Variants in KMT2E observed in about 807,000 individuals in gnomAD.
KMT2E encodes the protein lysine methyltransferase 2E (inactive), also known as histone reader KMT2E.
Under a neutral mutation model 184.6 loss-of-function variants are expected in KMT2E, and 30 were observed. That is an observed-to-expected ratio of 0.16 (90% CI 0.12 to 0.22). KMT2E has a LOEUF of 0.22. Ranked by LOEUF, KMT2E falls within the 10% of genes least tolerant of loss-of-function variation. The pLI is 1.00. For synonymous variants in KMT2E, 815 were observed against 776.5 expected, an observed-to-expected ratio of 1.05 and a Z score of -0.82; for missense variants, 2,023 against 2,237.4, an observed-to-expected ratio of 0.90 and a Z score of 1.93.
At chr7:105,053,495 T>G (rs558299233) in intron 3 of KMT2E, among the ~76,000 whole-genome samples, 2 of 152,314 alleles carry the variant, frequency 1.3e-5, no homozygotes, top group African/African-American at 4.8e-5. Context: ...TATAATAATT[T>G]TATTCTCTCA....
chr7:105,070,577 T>C (rs1192600781), intron 6 of KMT2E, among the ~76,000 whole-genome samples: 7 of 136,392 alleles, frequency 5.1e-5, no homozygotes, highest in Non-Finnish European at 9.0e-5. Flanking sequence ...GAGGTTGCAG[T>C]GAGCTGAGAT....
chr7:105,076,131 A>G, intron 9 of KMT2E, 50 bp downstream of exon 9: 1 of 1,262,620 alleles, frequency 7.9e-7, no homozygotes, highest in Non-Finnish European at 1.2e-6. Context: ...TTTATTCAGG[A>G]GCTACATGCT....
chr7:105,041,442 C>T (rs1305859441), intron 3 of KMT2E, among the ~76,000 whole-genome samples: 2 of 152,166 alleles, frequency 1.3e-5, no homozygotes, highest in Non-Finnish European at 2.9e-5. Context: ...TGCTGTGTCT[C>T]CCAGGCTGGA....
At chr7:105,090,295 G>T (rs768205016) in intron 14 of KMT2E, 22 bp downstream of exon 14, 3 of 1,564,668 alleles carry the variant, frequency 1.9e-6, no homozygotes, top group Non-Finnish European at 2.6e-6. Context: ...TGCTCTCAAT[G>T]AAATTGAATA....
intron 1 of KMT2E, among the ~76,000 whole-genome samples, chr7:105,031,620 C>CG: frequency 6.6e-6 from 1 of 151,340 alleles, no homozygotes; most frequent in East Asian, 2.0e-4. Context: ...GGCATGGTGG[C>CG]GGGCACCTGT....
rs151289792 is a variant in KMT2E, at chr7:105,106,647, C to T, written c.2722C>T (p.Pro908Ser). 2.0e-3 allele frequency: 3,200 copies of T among 1,614,030 alleles called. 8 individuals carry two copies. The highest frequency in any genetic ancestry group is 4.3e-3 in the Middle Eastern group (26 of 6,062). Residue 908 changes from proline to serine, a missense_variant, in exon 20 of 27, where the codon CCA becomes TCA. This residue lies in a region of KMT2E where 514 missense variants were observed against 621.8 expected (regional missense o/e 0.83). Coordinates refer to ENST00000311117, the MANE Select transcript of KMT2E (RefSeq NM_182931.3). Reference sequence around the variant, plus strand: ...TCACACCGATATTACTCCTATGGACCCATCTTTTGCCACGCCTCCACGGAT... The same window carrying T: ...TCACACCGATATTACTCCTATGGACTCATCTTTTGCCACGCCTCCACGGAT... ...PTHTDITPMD[P>S]SFATPPRIKS...
intron 1 of KMT2E, among the ~76,000 whole-genome samples, chr7:105,024,998 G>T (rs965143993): frequency 2.6e-5 from 4 of 152,100 alleles, no homozygotes; most frequent in Admixed American, 6.5e-5. Flanking sequence ...AGTTGTGGTT[G>T]AGCCTTGAAT....
chr7:105,096,487 G>C (rs879655886), intron 15 of KMT2E, among the ~76,000 whole-genome samples: 2 of 152,106 alleles, frequency 1.3e-5, no homozygotes, highest in Admixed American at 1.3e-4. Flanking sequence ...TTGAGAAACG[G>C]TGAAAGGGTA....
chr7:105,060,945 C>T (rs960692589), intron 3 of KMT2E, among the ~76,000 whole-genome samples: 3 of 152,210 alleles, frequency 2.0e-5, no homozygotes, highest in Non-Finnish European at 2.9e-5. Context: ...CATGTTCACA[C>T]AACGGTGAAA....
At chr7:105,055,352 C>T (rs1050220708) in intron 3 of KMT2E, among the ~76,000 whole-genome samples, 5 of 151,568 alleles carry the variant, frequency 3.3e-5, no homozygotes, top group African/African-American at 1.2e-4. Flanking sequence ...TTGTGCCTGG[C>T]CCTCTGTATA....
intron 15 of KMT2E, among the ~76,000 whole-genome samples, chr7:105,096,215 C>CTGCACTCCA (rs1798404123): frequency 7.7e-6 from 1 of 129,594 alleles, no homozygotes; most frequent in Non-Finnish European, 1.5e-5. Context: ...GATGGCATCA[C>CTGCACTCCA]TGCACTCCAG....
Position 105,090,393 on chromosome 7 carries a change from TAATGAAGTATTCATAA to T in KMT2E, c.1623+121_1623+136del, listed in dbSNP as rs1403930635. On this transcript the variant is annotated intron_variant, in intron 14 of 26. Transcript: ENST00000311117. ...GTATTTTTAAGTCCATTCTGTCATT[TAATGAAGTATTCATAA>T]GTGTAAAATACAAGTTCTGCTAGAA... The T allele has an allele frequency of 1.3e-5, 15 of 1,130,610 alleles. No homozygotes were observed. In the African/African-American group the frequency reaches 2.4e-4, roughly 18 times the overall value. 70.0% of individuals were successfully genotyped at this position (1,130,610 alleles called of 1,614,324 possible).
intron 17 of KMT2E, 195 bp downstream of exon 17, chr7:105,102,389 G>T: frequency 2.2e-6 from 1 of 445,738 alleles, no homozygotes; most frequent in Non-Finnish European, 3.9e-6. Flanking sequence ...TGAAGATAAA[G>T]TTACATTCAG....
chr7:105,085,723 G>A (rs1306236839), intron 13 of KMT2E, among the ~76,000 whole-genome samples: 9 of 147,190 alleles, frequency 6.1e-5, no homozygotes, highest in South Asian at 4.2e-4. Flanking sequence ...TCGCTCTGTC[G>A]CCTAGGATGG....
intron 3 of KMT2E, among the ~76,000 whole-genome samples, chr7:105,050,961 A>G (rs1796314530): frequency 6.6e-6 from 1 of 152,002 alleles, no homozygotes. Context: ...TCCTGGCCTC[A>G]AGTGGTCCAC....
chr7:105,075,143 A>T (rs1440501418), intron 8 of KMT2E, among the ~76,000 whole-genome samples: 1 of 149,898 alleles, frequency 6.7e-6, no homozygotes, highest in East Asian at 1.9e-4. Context: ...GACATAATCC[A>T]CTTAGCTTTT....
At chr7:105,035,599 T>TATTC (rs1174208067) in intron 1 of KMT2E, among the ~76,000 whole-genome samples, 20 of 152,094 alleles carry the variant, frequency 1.3e-4, no homozygotes, top group Middle Eastern at 3.2e-3. Context: ...TTGCTTTATT[T>TATTC]ATTTATTTAT....
intron 6 of KMT2E, among the ~76,000 whole-genome samples, chr7:105,069,410 TC>T (rs1584754957): frequency 6.6e-6 from 1 of 152,210 alleles, no homozygotes; most frequent in East Asian, 1.9e-4. Context: ...AATATAATAG[TC>T]TTGGAGTAAC....
chr7:105,081,854 T>C, intron 13 of KMT2E, 57 bp downstream of exon 13: 1 of 726,540 alleles, frequency 1.4e-6, no homozygotes, highest in Middle Eastern at 2.6e-4. Context: ...ATAATGTCCC[T>C]GTAATAATTT....
Sources: gnomAD v4.1 joint callset for allele counts (sites outside exome capture counted in the v4.1 genomes callset) on GRCh38, gnomAD v4.1.1 for gene constraint, gnomAD v4.1.1 regional missense constraint, MANE v1.5 for transcripts, NCBI Gene and HGNC (gene_info 2026-07-23, HGNC 2026-07-21) for gene names.